NEK11: variants seen among roughly 807,000 people sequenced by gnomAD.
NEK11 encodes NIMA related kinase 11.
Under a neutral mutation model 80.7 loss-of-function variants are expected in NEK11, and 72 were observed. The ratio of observed to expected loss-of-function variants is 0.89; its 90% CI spans 0.74 to 1.08. The LOEUF (loss-of-function observed/expected upper bound fraction) is 1.08, where lower values mean the gene tolerates loss of function less well. NEK11 is among the 50% of genes least tolerant of loss of function. NEK11 has a pLI of 0.00. For synonymous variants in NEK11, 251 were observed against 260.7 expected (o/e 0.96, Z 0.36); for missense variants, 764 against 763.6 (o/e 1.00, Z -0.01).
intron 17 of NEK11, among the ~76,000 whole-genome samples, chr3:131,320,980 C>T (rs887052106): frequency 1.3e-5 from 2 of 152,006 alleles, no homozygotes; most frequent in African/African-American, 2.4e-5. Flanking sequence ...AGAATTTTTT[C>T]ACAAAATTAG....
In NEK11 at chr3:131,109,927, T is replaced by G. The variant is rs1257083968; in HGVS notation, c.455+6T>G. 5 of 1,587,350 alleles carry G rather than the reference T, an allele frequency of 3.1e-6. No individual in the cohort carries two copies. In the African/African-American group the frequency reaches 6.8e-5, roughly 22 times the overall value. ...GTTGACTACATGCATGAGAGGTATG[T>G]TCATTTGCTACTGGGGGAGCATGAT... On this transcript the variant is annotated splice_donor_region_variant and intron_variant, in intron 5 of 17. Transcript: ENST00000383366.
At chr3:131,296,271 T>G (rs1344665106) in intron 17 of NEK11, among the ~76,000 whole-genome samples, 1 of 152,172 alleles carries the variant, frequency 6.6e-6, no homozygotes, top group East Asian at 1.9e-4. Context: ...TAAACATACA[T>G]AAGAAAATAT....
At chr3:131,305,763 C>T (rs2096717046) in intron 17 of NEK11, among the ~76,000 whole-genome samples, 1 of 152,160 alleles carries the variant, frequency 6.6e-6, no homozygotes, top group Non-Finnish European at 1.5e-5. Flanking sequence ...ATTCAACTCA[C>T]CCTTTCTCAG....
intron 17 of NEK11, among the ~76,000 whole-genome samples, chr3:131,276,445 C>T (rs2096292661): frequency 6.6e-6 from 1 of 152,116 alleles, no homozygotes; most frequent in Non-Finnish European, 1.5e-5. Flanking sequence ...GACAAGAGGG[C>T]CTTTGTAACC....
chr3:131,102,990 T>G (rs1390546145), intron 4 of NEK11, among the ~76,000 whole-genome samples: 3 of 152,210 alleles, frequency 2.0e-5, no homozygotes, highest in African/African-American at 7.2e-5. Flanking sequence ...ATGAAATTCT[T>G]GTAGTCAATT....
intron 5 of NEK11, among the ~76,000 whole-genome samples, chr3:131,122,414 G>C (rs1267040564): frequency 6.6e-6 from 1 of 152,216 alleles, no homozygotes; most frequent in Non-Finnish European, 1.5e-5. Context: ...GTGGCCAATA[G>C]TTTGAGGAAG....
chr3:131,041,971 G>T (rs149340841), intron 3 of NEK11, among the ~76,000 whole-genome samples: 8 of 152,268 alleles, frequency 5.3e-5, no homozygotes, highest in African/African-American at 1.7e-4. Flanking sequence ...GGAGGGTGGG[G>T]CGTCACCTCA....
chr3:131,266,475 T>C (rs945313202), intron 16 of NEK11, among the ~76,000 whole-genome samples: 2 of 152,226 alleles, frequency 1.3e-5, no homozygotes, highest in African/African-American at 2.4e-5. Context: ...CCAGTAGTCA[T>C]TCAGGAGCAG....
intron 14 of NEK11, among the ~76,000 whole-genome samples, chr3:131,212,731 A>G (rs753444116): frequency 6.6e-6 from 1 of 152,160 alleles, no homozygotes; most frequent in Admixed American, 6.5e-5. Context: ...GGAAGATCTG[A>G]GTTCTGTTTG....
intron 17 of NEK11, among the ~76,000 whole-genome samples, chr3:131,305,365 T>C (rs1478276438): frequency 1.3e-5 from 2 of 151,928 alleles, no homozygotes; most frequent in Non-Finnish European, 2.9e-5. Context: ...CTCTGGGAAA[T>C]ATCCTGGTTG....
chr3:131,069,938 T>C (rs2072951816), intron 3 of NEK11, among the ~76,000 whole-genome samples: 1 of 151,780 alleles, frequency 6.6e-6, no homozygotes, highest in Non-Finnish European at 1.5e-5. Flanking sequence ...GTAACTAACC[T>C]GCACAATGTG....
intron 17 of NEK11, among the ~76,000 whole-genome samples, chr3:131,299,745 A>G (rs892045157): frequency 1.3e-5 from 2 of 152,106 alleles, no homozygotes; most frequent in African/African-American, 2.4e-5. Flanking sequence ...CATGGTGTAT[A>G]TGTACTACAT....
intron 4 of NEK11, among the ~76,000 whole-genome samples, chr3:131,087,591 T>G (rs2076170651): frequency 6.6e-6 from 1 of 152,206 alleles, no homozygotes; most frequent in South Asian, 2.1e-4. Flanking sequence ...AGGCAAGTAC[T>G]TTCCGAACTG....
chr3:131,108,757 C>G (rs1052147552), intron 4 of NEK11, among the ~76,000 whole-genome samples: 1 of 151,932 alleles, frequency 6.6e-6, no homozygotes, highest in African/African-American at 2.4e-5. Flanking sequence ...AATGCTTAAA[C>G]GATGTGCTTG....
chr3:131,291,511 A>C (rs947259836), intron 17 of NEK11, among the ~76,000 whole-genome samples: 1 of 152,164 alleles, frequency 6.6e-6, no homozygotes, highest in Non-Finnish European at 1.5e-5. Flanking sequence ...AACAAAATAA[A>C]ACAAGAAATC....
intron 17 of NEK11, among the ~76,000 whole-genome samples, chr3:131,289,797 G>T (rs1321765043): frequency 6.6e-6 from 1 of 152,108 alleles, no homozygotes; most frequent in Non-Finnish European, 1.5e-5. Context: ...TTATTCTCAG[G>T]ATGGTCTGTT....
chr3:131,141,258 A>G (rs1273372216), intron 7 of NEK11, among the ~76,000 whole-genome samples: 2 of 152,200 alleles, frequency 1.3e-5, no homozygotes, highest in South Asian at 2.1e-4. Context: ...AGTGCAATAC[A>G]TATTCTGATG....
intron 17 of NEK11, among the ~76,000 whole-genome samples, chr3:131,340,865 TA>T (rs151018659): frequency 0.019 from 2,905 of 152,298 alleles, 45 homozygotes; most frequent in East Asian, 0.088. Flanking sequence ...CTAAAAAACT[TA>T]AAAGGCTTTT....
At chr3:131,034,420 G>A (rs1418675335) in intron 3 of NEK11, among the ~76,000 whole-genome samples, 2 of 150,450 alleles carry the variant, frequency 1.3e-5, no homozygotes, top group Admixed American at 1.3e-4. Context: ...TTTTTTTTGA[G>A]TCGGAGTCTC....
Sources: gnomAD v4.1 joint callset for allele counts (sites outside exome capture counted in the v4.1 genomes callset) on GRCh38, gnomAD v4.1.1 for gene constraint, MANE v1.5 for transcripts, NCBI Gene and HGNC (gene_info 2026-07-23, HGNC 2026-07-21) for gene names.